TPRG1: variants seen among roughly 807,000 people sequenced by gnomAD.
TPRG1 encodes tumor protein p63 regulated 1, also known as tumor protein p63-regulated gene 1 protein.
Under a neutral mutation model 29.3 loss-of-function variants are expected in TPRG1, and 29 were observed. That is an observed-to-expected ratio of 0.99 (90% confidence interval 0.74 to 1.35). The LOEUF is 1.35. Ranked by LOEUF, TPRG1 falls within the 40% of genes most tolerant of loss-of-function variation. The probability of loss-of-function intolerance (pLI) is 0.00; values close to 1 mark genes in which losing one functional copy is unlikely to be tolerated. For missense variants in TPRG1, 327 were observed against 335.0 expected, an observed-to-expected ratio of 0.98 and a Z score of 0.19; for synonymous variants, 130 against 116.8, an observed-to-expected ratio of 1.11 and a Z score of -0.73.
At chr3:189,077,322 T>C (rs1238195715) in intron 4 of TPRG1, among the ~76,000 whole-genome samples, 1 of 152,118 alleles carries the variant, frequency 6.6e-6, no homozygotes, top group Non-Finnish European at 1.5e-5. Context: ...AAAAACATCA[T>C]ATTAACTGAA....
At chr3:189,027,443 CTGCATTCAACTTG>C (rs1713720225) in intron 4 of TPRG1, among the ~76,000 whole-genome samples, 1 of 152,202 alleles carries the variant, frequency 6.6e-6, no homozygotes, top group South Asian at 2.1e-4. Flanking sequence ...TCTCATTTTT[CTGCATTCAACTTG>C]AACAACCAGA....
chr3:189,114,210 T>C (rs1418048901), intron 1 of TPRG1, among the ~76,000 whole-genome samples: 1 of 152,122 alleles, frequency 6.6e-6, no homozygotes, highest in Non-Finnish European at 1.5e-5. Flanking sequence ...CTGTTGTTGT[T>C]AGATGGAAGG....
At chr3:189,169,627 C>G (rs1468575604), upstream of TPRG1, among the ~76,000 whole-genome samples, 1 of 152,242 alleles carries the variant, frequency 6.6e-6, no homozygotes, top group Admixed American at 6.5e-5. Context: ...CCTGGAAATA[C>G]AGACATGAAG....
intron 4 of TPRG1, among the ~76,000 whole-genome samples, chr3:189,046,082 A>G (rs1437157353): frequency 6.6e-6 from 1 of 152,238 alleles, no homozygotes; most frequent in Non-Finnish European, 1.5e-5. Context: ...GCAAAAGCTC[A>G]GCAGACTTCT....
intron 1 of TPRG1, among the ~76,000 whole-genome samples, chr3:189,114,710 A>G (rs1053379082): frequency 6.6e-6 from 1 of 152,192 alleles, no homozygotes; most frequent in East Asian, 1.9e-4. Context: ...GGCCTGTGTC[A>G]TTGAGATGGA....
intron 4 of TPRG1, among the ~76,000 whole-genome samples, chr3:189,265,693 C>A (rs948888412): frequency 6.6e-6 from 1 of 152,154 alleles, no homozygotes; most frequent in African/African-American, 2.4e-5. Context: ...GGCAAGGAAG[C>A]ACTTTCCTCC....
At chr3:189,063,673 G>T (rs1197167227) in intron 4 of TPRG1, among the ~76,000 whole-genome samples, 1 of 151,884 alleles carries the variant, frequency 6.6e-6, no homozygotes, top group Non-Finnish European at 1.5e-5. Context: ...TGGTCAAAAA[G>T]GAAATCTCAA....
chr3:189,180,088 A>G (rs1383144677), intron 1 of TPRG1, among the ~76,000 whole-genome samples: 1 of 152,132 alleles, frequency 6.6e-6, no homozygotes, highest in Non-Finnish European at 1.5e-5. Context: ...TCCTCTTTTT[A>G]AAACCATCAG....
At chr3:189,193,127 T>C (rs1039766978) in intron 1 of TPRG1, among the ~76,000 whole-genome samples, 1 of 129,790 alleles carries the variant, frequency 7.7e-6, no homozygotes, top group African/African-American at 2.9e-5. Flanking sequence ...TGTTTTTGAC[T>C]TTTAATTTTT....
At chr3:189,205,976 C>T (rs1294562592) in intron 1 of TPRG1, among the ~76,000 whole-genome samples, 1 of 148,196 alleles carries the variant, frequency 6.7e-6, no homozygotes, top group Non-Finnish European at 1.5e-5. Flanking sequence ...TCTGTTATAC[C>T]ATACATGTGT....
chr3:189,023,161 G>A (rs1347754411), intron 3 of TPRG1, among the ~76,000 whole-genome samples: 1 of 152,220 alleles, frequency 6.6e-6, no homozygotes, highest in Non-Finnish European at 1.5e-5. Flanking sequence ...CGGTACCTCA[G>A]ATGGAAATGC....
chr3:189,272,969 C>T (rs1011304508), intron 4 of TPRG1, among the ~76,000 whole-genome samples: 2 of 152,168 alleles, frequency 1.3e-5, no homozygotes, highest in African/African-American at 4.8e-5. Context: ...CCATCCAAAG[C>T]AGGCATTTTC....
intron 1 of TPRG1, among the ~76,000 whole-genome samples, chr3:189,185,635 A>C (rs1255314381): frequency 1.3e-5 from 2 of 152,186 alleles, no homozygotes; most frequent in Non-Finnish European, 2.9e-5. Flanking sequence ...GTTATAAAAA[A>C]AGAGAGTAAG....
intron 1 of TPRG1, among the ~76,000 whole-genome samples, chr3:189,111,956 G>A (rs1720582776): frequency 6.6e-6 from 1 of 152,038 alleles, no homozygotes; most frequent in Non-Finnish European, 1.5e-5. Flanking sequence ...CCCTTTACAT[G>A]GTTGTGGAAA....
At chr3:189,099,409 A>AG (rs1372009716), upstream of TPRG1, among the ~76,000 whole-genome samples, 1 of 151,872 alleles carries the variant, frequency 6.6e-6, no homozygotes, top group Non-Finnish European at 1.5e-5. Context: ...GTGGGTGGGA[A>AG]GGGGGGCAGG....
intron 1 of TPRG1, among the ~76,000 whole-genome samples, chr3:189,111,717 T>A (rs1720550006): frequency 6.6e-6 from 1 of 152,152 alleles, no homozygotes; most frequent in South Asian, 2.1e-4. Flanking sequence ...ATCCTCTACC[T>A]TTGCTAAAAT....
chr3:189,052,737 A>G (rs1445372796), intron 4 of TPRG1, among the ~76,000 whole-genome samples: 2 of 152,144 alleles, frequency 1.3e-5, no homozygotes, highest in African/African-American at 4.8e-5. Context: ...TTATATATAT[A>G]TATATGCTAT....
At chr3:189,215,679 C>G (rs1735960295) in intron 3 of TPRG1, among the ~76,000 whole-genome samples, 1 of 151,958 alleles carries the variant, frequency 6.6e-6, no homozygotes, top group Non-Finnish European at 1.5e-5. Context: ...CTAATTCTCT[C>G]ATTCTAATCT....
chr3:189,190,158 C>T (rs185681238), intron 1 of TPRG1, among the ~76,000 whole-genome samples: 20 of 152,286 alleles, frequency 1.3e-4, no homozygotes, highest in Admixed American at 1.2e-3. Context: ...AAACCTATAT[C>T]GAAAGAAAAC....
Sources: gnomAD v4.1 joint callset for allele counts (sites outside exome capture counted in the v4.1 genomes callset) on GRCh38, gnomAD v4.1.1 for gene constraint, MANE v1.5 for transcripts, NCBI Gene and HGNC (gene_info 2026-07-23, HGNC 2026-07-21) for gene names.